USH2A: variants seen among roughly 807,000 people sequenced by gnomAD.
USH2A encodes Usher syndrome 2A (autosomal recessive, mild).
USH2A carries 443 observed loss-of-function variants against 538.9 expected under a neutral mutation model. That is an observed-to-expected ratio of 0.82 (90% CI 0.76 to 0.89). The LOEUF (loss-of-function observed/expected upper bound fraction) is 0.89. Among genes scored for constraint, USH2A ranks in the 40% least tolerant of loss-of-function variants. USH2A has a pLI of 0.00. For synonymous variants in USH2A, 2,413 were observed against 2,273.5 expected (o/e 1.06, Z -1.75); for missense variants, 6,633 against 6,324.8 (o/e 1.05, Z -1.65).
chr1:215,724,379 C>G (rs537138826), intron 61 of USH2A, among the ~76,000 whole-genome samples: 2 of 142,606 alleles, frequency 1.4e-5, no homozygotes, highest in African/African-American at 5.2e-5. Flanking sequence ...AAATACCGCA[C>G]GTTCTCACTT....
At chr1:216,316,066 A>G (rs2037503126) in intron 9 of USH2A, among the ~76,000 whole-genome samples, 1 of 152,174 alleles carries the variant, frequency 6.6e-6, no homozygotes, top group South Asian at 2.1e-4. Flanking sequence ...GGTATGTATC[A>G]TACATTAAAG....
chr1:216,102,618 C>T (rs912653701), intron 21 of USH2A, among the ~76,000 whole-genome samples: 10 of 151,746 alleles, frequency 6.6e-5, no homozygotes, highest in African/African-American at 2.4e-4. Context: ...GATAACACGG[C>T]GAAACCTCGT....
At chr1:215,779,774 G>T in intron 55 of USH2A, 69 bp downstream of exon 55, 1 of 1,576,366 alleles carries the variant, frequency 6.3e-7, no homozygotes, top group Non-Finnish European at 8.6e-7. Context: ...ACACCCCTGG[G>T]ATGCTTTGCC....
At chr1:215,913,459 G>A (rs906946082) in intron 38 of USH2A, among the ~76,000 whole-genome samples, 7 of 152,048 alleles carry the variant, frequency 4.6e-5, no homozygotes, top group African/African-American at 7.2e-5. Flanking sequence ...GTTATGGGCC[G>A]GAAGCTCTAT....
intron 3 of USH2A, among the ~76,000 whole-genome samples, chr1:216,370,642 C>A (rs1462963137): frequency 8.8e-6 from 1 of 114,008 alleles, no homozygotes; most frequent in Non-Finnish European, 1.6e-5. Flanking sequence ...CGCGCCACTG[C>A]ACTCCAGCTT....
intron 40 of USH2A, among the ~76,000 whole-genome samples, chr1:215,894,799 C>T (rs1021392706): frequency 6.6e-6 from 1 of 152,166 alleles, no homozygotes; most frequent in Non-Finnish European, 1.5e-5. Context: ...CTGGAACGAC[C>T]GACAGGACAA....
At chr1:215,819,659 C>A (rs535052185) in intron 47 of USH2A, among the ~76,000 whole-genome samples, 1 of 151,910 alleles carries the variant, frequency 6.6e-6, no homozygotes, top group African/African-American at 2.4e-5. Flanking sequence ...AAGAGTTTGA[C>A]TTATCCACAA....
chr1:215,741,267 G>T, intron 60 of USH2A, 108 bp downstream of exon 60: 4 of 1,306,368 alleles, frequency 3.1e-6, no homozygotes, highest in Non-Finnish European at 3.2e-6. Flanking sequence ...AACACAACAT[G>T]AATTCCCATT....
chr1:215,960,466 T>A (rs1173823531), intron 37 of USH2A, among the ~76,000 whole-genome samples: 1 of 152,136 alleles, frequency 6.6e-6, no homozygotes, highest in Non-Finnish European at 1.5e-5. Context: ...GAAGATGTTG[T>A]AAAGTGATCA....
At chr1:216,315,992 T>C (rs1201480835) in intron 9 of USH2A, among the ~76,000 whole-genome samples, 2 of 152,200 alleles carry the variant, frequency 1.3e-5, no homozygotes, top group Admixed American at 1.3e-4. Context: ...ACTGCTTTTT[T>C]TTCATTCTTG....
chr1:215,682,906 G>A (rs1261958835), intron 61 of USH2A, among the ~76,000 whole-genome samples: 1 of 151,316 alleles, frequency 6.6e-6, no homozygotes, highest in African/African-American at 2.4e-5. Context: ...CTTTTGCCTA[G>A]GCTGGAGTGT....
In USH2A at chr1:216,087,273, G is replaced by C. The variant is rs141893555; in HGVS notation, c.4886-453C>G. On this transcript the variant is annotated intron_variant, in intron 23 of 71. Transcript: ENST00000307340. Reference sequence around the variant, plus strand: ...ACTCCAATTAGCCCTACTTACATCTGTTCCCTTGGCTTTCAATACCATCCT... The same window carrying C: ...ACTCCAATTAGCCCTACTTACATCTCTTCCCTTGGCTTTCAATACCATCCT... Among the ~76,000 whole-genome samples the C allele has an allele frequency of 3.3e-5, 5 of 152,250 alleles. 1 individual carries two copies. In the East Asian group the frequency reaches 9.7e-4, roughly 29 times the overall value.
chr1:216,060,867 G>A lies in USH2A; in HGVS notation c.6049+9234C>T, dbSNP rs114747118. Reference sequence around the variant, plus strand: ...AGTTTCTGAGCAGTCCTCAGTTTGAGGGGAAACGCCAGTCCTGTCTCTCTG... The same window carrying A: ...AGTTTCTGAGCAGTCCTCAGTTTGAAGGGAAACGCCAGTCCTGTCTCTCTG... On this transcript the variant is annotated intron_variant, in intron 30 of 71. Coordinates refer to ENST00000307340, the MANE Select transcript of USH2A (RefSeq NM_206933.4). Among the ~76,000 whole-genome samples, 613 of 152,290 alleles carry A rather than the reference G, an allele frequency of 4.0e-3. 6 individuals are homozygous for A. Among genetic ancestry groups the A allele is most frequent in the African/African-American group, 0.014 (589 of 41,566 alleles).
At chr1:215,772,255 G>A (rs1202792389) in intron 55 of USH2A, among the ~76,000 whole-genome samples, 1 of 152,140 alleles carries the variant, frequency 6.6e-6, no homozygotes, top group African/African-American at 2.4e-5. Flanking sequence ...TGTCTCAAAG[G>A]AACCATTCCA....
rs555751394 is a variant in USH2A, at chr1:216,160,954, C to T, written c.4627+14298G>A. On this transcript the variant is annotated intron_variant, in intron 21 of 71. Transcript: ENST00000307340. ...CACCTAAATTTAGGATTATATGTCC[C>T]TCTATTGAATTGATCTTTTTGTCAT... Among the ~76,000 whole-genome samples, 165 of 152,044 alleles carry T rather than the reference C, an allele frequency of 1.1e-3. 2 individuals are homozygous for T. The highest frequency in any genetic ancestry group is 3.9e-3 in the African/African-American group (162 of 41,502).
At chr1:216,276,515 G>A (rs992437934) in intron 11 of USH2A, among the ~76,000 whole-genome samples, 6 of 152,082 alleles carry the variant, frequency 3.9e-5, no homozygotes, top group African/African-American at 1.4e-4. Flanking sequence ...GAAATGATCA[G>A]CACATTGGTT....
chr1:215,790,863 T>C (rs1027166058), intron 50 of USH2A, among the ~76,000 whole-genome samples: 10 of 152,218 alleles, frequency 6.6e-5, no homozygotes, highest in African/African-American at 2.4e-4. Context: ...ATTTGGTATT[T>C]ATTCATAATC....
At chr1:215,811,415 C>T (rs893642659) in intron 49 of USH2A, among the ~76,000 whole-genome samples, 2 of 152,170 alleles carry the variant, frequency 1.3e-5, no homozygotes, top group East Asian at 1.9e-4. Flanking sequence ...TTCTGAGGGA[C>T]CAGCTATTTT....
Position 215,674,016 on chromosome 1 carries a change from T to C in USH2A, c.13811+84A>G, listed in dbSNP as rs979653840. 15 of 1,611,590 alleles carry C rather than the reference T, an allele frequency of 9.3e-6. No individual in the cohort carries two copies. The Admixed American group carries it at 1.2e-4, about 13-fold the overall frequency. On this transcript the variant is annotated intron_variant, in intron 63 of 71. Transcript: ENST00000307340. Reference sequence around the variant, plus strand: ...GACACCTTGCATCCCATTTTTAGAGTCTTCATTAGAACTGACCAAGGGCTC... The same window carrying C: ...GACACCTTGCATCCCATTTTTAGAGCCTTCATTAGAACTGACCAAGGGCTC...
Sources: allele counts gnomAD v4.1 joint callset (sites outside exome capture counted in the v4.1 genomes callset), GRCh38; gene constraint gnomAD v4.1.1; transcripts MANE v1.5; gene names NCBI Gene and HGNC (gene_info 2026-07-23, HGNC 2026-07-21).